Variants in PTPRN2 observed in about 807,000 individuals in gnomAD.
PTPRN2 encodes the protein protein tyrosine phosphatase receptor type N2.
A neutral mutation model predicts 118.8 loss-of-function variants in PTPRN2; 74 were observed. The ratio of observed to expected loss-of-function variants is 0.62; its 90% CI spans 0.52 to 0.76. The LOEUF (loss-of-function observed/expected upper bound fraction) is 0.76, where lower values mean the gene tolerates loss of function less well. Ranked by LOEUF, PTPRN2 falls within the 30% of genes least tolerant of loss-of-function variation. The probability of loss-of-function intolerance (pLI) is 0.00; values close to 1 mark genes in which losing one functional copy is unlikely to be tolerated. For synonymous variants in PTPRN2, 641 were observed against 608.0 expected, an observed-to-expected ratio of 1.05 and a Z score of -0.80; for missense variants, 1,481 against 1,394.4, an observed-to-expected ratio of 1.06 and a Z score of -0.99.
At chr7:157,559,354 C>A (rs917070165) in intron 21 of PTPRN2, among the ~76,000 whole-genome samples, 4 of 152,166 alleles carry the variant, frequency 2.6e-5, no homozygotes, top group African/African-American at 7.2e-5. Flanking sequence ...GCCTCCAGGA[C>A]AACAGGGAGA....
chr7:158,131,475 TAC>T (rs935177695), intron 9 of PTPRN2, among the ~76,000 whole-genome samples: 5 of 136,428 alleles, frequency 3.7e-5, no homozygotes, highest in South Asian at 2.3e-4. Flanking sequence ...CACGCACTCA[TAC>T]ACACACACTT....
chr7:157,668,619 G>A (rs906036747), intron 13 of PTPRN2, among the ~76,000 whole-genome samples: 1 of 152,220 alleles, frequency 6.6e-6, no homozygotes, highest in Non-Finnish European at 1.5e-5. Context: ...AACGGGAACC[G>A]GCTCTGTTTG....
rs1050088911 is a variant in PTPRN2 at position 158,041,699 on chromosome 7, G to T, written c.1723+39599C>A. 1.2e-4 allele frequency among the ~76,000 whole-genome samples: 18 copies of T among 152,250 alleles called. No individual in the cohort carries two copies. The East Asian group carries it at 3.1e-3, about 26-fold the overall frequency. On this transcript the variant is annotated intron_variant, in intron 11 of 22. Transcript: ENST00000389418. ...AAGAAAAGAAAAGAAACAATTGAAG[G>T]CTACAAATAGTCAATATTTAGTCTC... is the stretch of plus-strand genomic sequence containing the variant.
chr7:157,588,134 C>T (rs1396239898), intron 17 of PTPRN2, among the ~76,000 whole-genome samples: 1 of 152,236 alleles, frequency 6.6e-6, no homozygotes, highest in Non-Finnish European at 1.5e-5. Context: ...GACTATGCTG[C>T]CTACATTTCT....
intron 5 of PTPRN2, among the ~76,000 whole-genome samples, chr7:158,189,810 G>T (rs946177282): frequency 1.3e-5 from 2 of 152,214 alleles, no homozygotes; most frequent in African/African-American, 4.8e-5. Flanking sequence ...AGAGCACAGG[G>T]CCCCACAGCC....
chr7:157,560,702 G>A lies in PTPRN2; in HGVS notation c.2902+8200C>T, dbSNP rs2150491410. On this transcript the variant is annotated intron_variant, in intron 21 of 22. Transcript: ENST00000389418. The surrounding 1 kb of genome is among the most constrained non-coding windows in gnomAD (Gnocchi z 6.7). ...CCCTTGAAGAGAAAGGTGCAGACAG[G>A]CTCCCTCTCCCCTTCCCTCCTCCCA... Among the ~76,000 whole-genome samples, 1 of 152,212 alleles carries A rather than the reference G, an allele frequency of 6.6e-6. No individual in the cohort carries two copies. The highest frequency in any genetic ancestry group is 2.1e-4 in the South Asian group (1 of 4,828).
At chr7:157,601,693 G>A (rs978867379) in intron 16 of PTPRN2, among the ~76,000 whole-genome samples, 11 of 152,378 alleles carry the variant, frequency 7.2e-5, no homozygotes, top group African/African-American at 2.4e-4. Context: ...TGCCCACGCT[G>A]GGGCTTGGCT....
chr7:157,557,542 A>ACACACC (rs1798965728), intron 21 of PTPRN2, among the ~76,000 whole-genome samples: 1 of 74,012 alleles, frequency 1.4e-5, no homozygotes, highest in South Asian at 6.5e-4. Context: ...CACACCCATC[A>ACACACC]CACACACTCC....
At chr7:157,783,129 T>A (rs1803787674) in intron 12 of PTPRN2, among the ~76,000 whole-genome samples, 1 of 152,172 alleles carries the variant, frequency 6.6e-6, no homozygotes. Context: ...GAAGAACATG[T>A]TTGCTTCCCC....
intron 13 of PTPRN2, among the ~76,000 whole-genome samples, chr7:157,665,667 A>C (rs2366649): frequency 0.38 from 58,381 of 152,116 alleles, 12,268 homozygotes; most frequent in Non-Finnish European, 0.49. Flanking sequence ...TCATGCTACC[A>C]TAAGGACACA....
chr7:158,320,127 C>T (rs558891712), intron 2 of PTPRN2, among the ~76,000 whole-genome samples: 5 of 60,972 alleles, frequency 8.2e-5, no homozygotes, highest in African/African-American at 2.7e-4. Flanking sequence ...ACACAGCCTC[C>T]CTCACACACA....
intron 14 of PTPRN2, among the ~76,000 whole-genome samples, chr7:157,655,856 C>T (rs937233223): frequency 6.6e-5 from 10 of 152,054 alleles, no homozygotes; most frequent in African/African-American, 1.7e-4. Context: ...GCCGCGTCGC[C>T]GTGAGCCTCT....
intron 12 of PTPRN2, among the ~76,000 whole-genome samples, chr7:157,871,301 A>T (rs143206239): frequency 6.6e-6 from 1 of 152,294 alleles, no homozygotes; most frequent in East Asian, 1.9e-4. Flanking sequence ...TTCTGGGGTG[A>T]ACCAGCAACC....
chr7:158,327,432 C>G (rs1421074249), intron 2 of PTPRN2, among the ~76,000 whole-genome samples: 3 of 151,998 alleles, frequency 2.0e-5, no homozygotes, highest in Non-Finnish European at 2.9e-5. Context: ...TTCTCACACA[C>G]ATTCTCACAT....
intron 11 of PTPRN2, among the ~76,000 whole-genome samples, chr7:158,019,349 A>G (rs1431805843): frequency 1.3e-5 from 2 of 152,280 alleles, no homozygotes; most frequent in African/African-American, 4.8e-5. Context: ...TAAATAGCAC[A>G]TGGATAGGAC....
At chr7:157,902,031 C>T (rs1797490746) in intron 11 of PTPRN2, among the ~76,000 whole-genome samples, 1 of 152,246 alleles carries the variant, frequency 6.6e-6, no homozygotes, top group Admixed American at 6.5e-5. Context: ...GGAGTGCACA[C>T]TTCCCCCAGC....
chr7:157,558,761 A>G (rs1274566594), intron 21 of PTPRN2, among the ~76,000 whole-genome samples: 1 of 152,192 alleles, frequency 6.6e-6, no homozygotes, highest in Non-Finnish European at 1.5e-5. Context: ...CTGCAGGTGC[A>G]CAGCCCAGGC....
intron 18 of PTPRN2, 48 bp from the exon 19 acceptor site, chr7:157,576,827 G>A: frequency 1.3e-6 from 2 of 1,505,578 alleles, no homozygotes; most frequent in Non-Finnish European, 1.8e-6. Context: ...TGTGGACATT[G>A]TGAACCGAAC....
chr7:158,464,156 A>G (rs1819222342), intron 2 of PTPRN2, among the ~76,000 whole-genome samples: 1 of 89,094 alleles, frequency 1.1e-5, no homozygotes, highest in Non-Finnish European at 2.2e-5. Flanking sequence ...CATCCTTACC[A>G]TCACCATCAT....
Sources: allele counts gnomAD v4.1 joint callset (sites outside exome capture counted in the v4.1 genomes callset), GRCh38; gene constraint gnomAD v4.1.1; non-coding constraint Gnocchi (gnomAD v3.1); transcripts MANE v1.5; gene names NCBI Gene and HGNC (gene_info 2026-07-23, HGNC 2026-07-21).